Variants in SYTL5 observed in about 807,000 individuals in gnomAD.
The protein encoded by SYTL5 is synaptotagmin-like protein 5.
In SYTL5, 34 loss-of-function variants were observed where a neutral mutation model predicts 55.9. The ratio of observed to expected loss-of-function variants is 0.61; its 90% CI spans 0.46 to 0.81. The LOEUF is 0.81. Ranked by LOEUF, SYTL5 falls within the 30% of genes least tolerant of loss-of-function variation. The probability of loss-of-function intolerance (pLI) is 0.00; values close to 1 mark genes in which losing one functional copy is unlikely to be tolerated. For synonymous variants in SYTL5, 221 were observed against 188.7 expected, an observed-to-expected ratio of 1.17 and a Z score of -1.40; for missense variants, 637 against 546.7, an observed-to-expected ratio of 1.17 and a Z score of -1.65.
intron 3 of SYTL5, among the ~76,000 whole-genome samples, chrX:38,062,337 T>C (rs1198404376): frequency 4.5e-5 from 5 of 112,154 alleles, no homozygotes; most frequent in African/African-American, 1.6e-4. Context: ...TTGCAACATA[T>C]TACCGTGCTA....
At chrX:37,938,741 G>A in the SYTL5 span, among the ~76,000 whole-genome samples, 1 of 111,113 alleles carries the variant, frequency 9.0e-6, no homozygotes, top group Non-Finnish European at 1.9e-5. Flanking sequence ...TTTAGACTGA[G>A]CACAACCCTC....
chrX:37,893,751 TTA>T, the SYTL5 span, among the ~76,000 whole-genome samples: 11 of 92,389 alleles, frequency 1.2e-4, no homozygotes, highest in Non-Finnish European at 1.7e-4. Flanking sequence ...AAACTATAGA[TTA>T]TATATAATCT....
chrX:37,995,323 C>T, the SYTL5 span, among the ~76,000 whole-genome samples: 13 of 111,841 alleles, frequency 1.2e-4, no homozygotes, highest in African/African-American at 3.9e-4. Flanking sequence ...AGAGGGCACA[C>T]GGGCTGGCAT....
chrX:38,105,541 G>T (rs910390758), intron 10 of SYTL5, among the ~76,000 whole-genome samples: 3 of 112,014 alleles, frequency 2.7e-5, no homozygotes, highest in African/African-American at 9.8e-5. Context: ...AAAGGAGGCA[G>T]TTAGATATGC....
At chrX:38,038,184 A>G (rs971148346) in intron 2 of SYTL5, among the ~76,000 whole-genome samples, 1 of 112,234 alleles carries the variant, frequency 8.9e-6, no homozygotes, top group Non-Finnish European at 1.9e-5. Flanking sequence ...TCCAGAAATA[A>G]TGTTTAACAA....
chrX:37,897,974 C>T, the SYTL5 span, among the ~76,000 whole-genome samples: 22 of 111,238 alleles, frequency 2.0e-4, no homozygotes, highest in Non-Finnish European at 3.4e-4. Context: ...GGTGGGTACC[C>T]GTAATCTCAG....
At chrX:37,990,878 T>C in the SYTL5 span, 1 of 1,209,649 alleles carries the variant, frequency 8.3e-7, no homozygotes, top group Admixed American at 2.2e-5. Context: ...CGTCTACAAA[T>C]AACAACCAGA....
chrX:37,961,395 C>CT, the SYTL5 span, among the ~76,000 whole-genome samples: 4,412 of 100,650 alleles, frequency 0.044, 241 homozygotes, highest in African/African-American at 0.15. Context: ...CTCTCTTCCT[C>CT]TTTTTTTTTT....
chrX:37,900,288 C>T, the SYTL5 span, among the ~76,000 whole-genome samples: 6 of 112,314 alleles, frequency 5.3e-5, no homozygotes, highest in African/African-American at 1.9e-4. Flanking sequence ...ATTGGGGATA[C>T]AGCATTGAAT....
chrX:38,117,332 C>G (rs1470144321), intron 13 of SYTL5, among the ~76,000 whole-genome samples: 3 of 111,764 alleles, frequency 2.7e-5, no homozygotes, highest in South Asian at 3.8e-4. Context: ...ACGGGGTCTA[C>G]AGTATATTTT....
chrX:38,068,595 C>T (rs1488426511), intron 3 of SYTL5, among the ~76,000 whole-genome samples: 1 of 112,104 alleles, frequency 8.9e-6, no homozygotes, highest in African/African-American at 3.2e-5. Context: ...ACTATGCAGT[C>T]ATAAAAATAA....
intron 14 of SYTL5, among the ~76,000 whole-genome samples, chrX:38,121,221 C>T (rs1937568195): frequency 8.9e-6 from 1 of 111,816 alleles, no homozygotes. Context: ...ATGAGAAATC[C>T]ACCCCATGAT....
At chrX:37,976,859 G>A in the SYTL5 span, among the ~76,000 whole-genome samples, 17 of 108,525 alleles carry the variant, frequency 1.6e-4, no homozygotes, top group East Asian at 2.9e-4. Context: ...CCAGCTACTC[G>A]GGAGGCTAAG....
chrX:37,982,711 C>A, the SYTL5 span, among the ~76,000 whole-genome samples: 2 of 111,570 alleles, frequency 1.8e-5, no homozygotes, highest in African/African-American at 6.5e-5. Context: ...AAGGAAGTGA[C>A]TCCAGATGAT....
intron 6 of SYTL5, among the ~76,000 whole-genome samples, chrX:38,081,276 G>A (rs887929185): frequency 2.4e-4 from 27 of 111,625 alleles, no homozygotes; most frequent in Non-Finnish European, 5.6e-5. Flanking sequence ...AAAGCAATTC[G>A]CAAAACCATG....
At chrX:37,892,318 T>C in the SYTL5 span, among the ~76,000 whole-genome samples, 1 of 108,163 alleles carries the variant, frequency 9.2e-6, no homozygotes, top group African/African-American at 3.3e-5. Flanking sequence ...TCTCAGAAAA[T>C]TGATTTCTAG....
the SYTL5 span, among the ~76,000 whole-genome samples, chrX:37,969,882 C>A: frequency 8.9e-6 from 1 of 112,050 alleles, no homozygotes; most frequent in Non-Finnish European, 1.9e-5. Context: ...GATCCACCAG[C>A]CTTGGCCTCC....
chrX:37,932,517 C>T, the SYTL5 span, among the ~76,000 whole-genome samples: 1 of 111,197 alleles, frequency 9.0e-6, no homozygotes, highest in African/African-American at 3.3e-5. Context: ...AACAAATAAA[C>T]AATTTTCAAA....
the SYTL5 span, among the ~76,000 whole-genome samples, chrX:37,891,968 A>G: frequency 8.9e-6 from 1 of 111,902 alleles, no homozygotes; most frequent in Middle Eastern, 4.2e-3. Context: ...GATGTGGATG[A>G]AATATGTAAA....
Sources: gnomAD v4.1 joint callset for allele counts (sites outside exome capture counted in the v4.1 genomes callset) on GRCh38, gnomAD v4.1.1 for gene constraint, MANE v1.5 for transcripts, NCBI Gene and HGNC (gene_info 2026-07-23, HGNC 2026-07-21) for gene names.